Variants in PTPRQ observed in about 807,000 individuals in gnomAD.
The protein encoded by PTPRQ is phosphatidylinositol phosphatase PTPRQ.
PTPRQ carries 199 observed loss-of-function variants against 246.0 expected under a neutral mutation model. The ratio of observed to expected loss-of-function variants is 0.81; its 90% CI spans 0.72 to 0.91. The LOEUF is 0.91. PTPRQ is among the 40% of genes least tolerant of loss of function. PTPRQ has a pLI of 0.00. For synonymous variants in PTPRQ, 869 were observed against 853.2 expected, an observed-to-expected ratio of 1.02 and a Z score of -0.32; for missense variants, 2,624 against 2,528.4, an observed-to-expected ratio of 1.04 and a Z score of -0.81.
At chr12:80,598,719 T>C (rs1898047972) in intron 26 of PTPRQ, among the ~76,000 whole-genome samples, 1 of 151,954 alleles carries the variant, frequency 6.6e-6, no homozygotes, top group African/African-American at 2.4e-5. Flanking sequence ...TGGTAGGCCC[T>C]TTTAATAAAC....
chr12:80,448,038 ATTTG>A (rs1184872984), intron 3 of PTPRQ, among the ~76,000 whole-genome samples: 1 of 152,002 alleles, frequency 6.6e-6, no homozygotes, highest in Non-Finnish European at 1.5e-5. Flanking sequence ...ATGTTTTTCC[ATTTG>A]TTTGTGTCAT....
At chr12:80,612,731 C>T (rs920963332) in intron 28 of PTPRQ, among the ~76,000 whole-genome samples, 2 of 150,390 alleles carry the variant, frequency 1.3e-5, no homozygotes, top group African/African-American at 4.9e-5. Context: ...ACATCTGTCA[C>T]CAAGATTGAT....
Position 80,613,749 on chromosome 12 carries a change from T to C in PTPRQ, c.5076T>C (p.Ile1692=), listed in dbSNP as rs745546272. The C allele has an allele frequency of 6.5e-7, 1 of 1,545,578 alleles. No homozygotes were observed. The highest frequency in any genetic ancestry group is 1.4e-5 in the African/African-American group (1 of 72,438). ...YREDDPTAVQ[I]HNLSIIQKTN... The stretch of plus-strand genomic sequence containing the variant: ...AAGATGATCCTACTGCTGTCCAGAT[T>C]CACAACCTCAGTATTATACAGAAAA... The change falls in exon 29 of 45, where the codon ATT becomes ATC. Residue 1692 remains isoleucine (I), a synonymous_variant. Transcript: ENST00000644991.
intron 25 of PTPRQ, among the ~76,000 whole-genome samples, chr12:80,550,166 G>A (rs764098008): frequency 3.9e-5 from 6 of 151,928 alleles, no homozygotes; most frequent in African/African-American, 2.4e-5. Context: ...CTTTATACCA[G>A]CCTTTATCTT....
At chr12:80,653,301 A>T (rs1017951810) in intron 38 of PTPRQ, among the ~76,000 whole-genome samples, 5 of 152,230 alleles carry the variant, frequency 3.3e-5, no homozygotes, top group Non-Finnish European at 5.9e-5. Flanking sequence ...TTTACATATG[A>T]GGCAGAATGA....
At chr12:80,573,272 G>A (rs1592671381) in intron 25 of PTPRQ, among the ~76,000 whole-genome samples, 1 of 152,256 alleles carries the variant, frequency 6.6e-6, no homozygotes, top group South Asian at 2.1e-4. Flanking sequence ...GGCGGATCAC[G>A]AGGTCAGTAG....
intron 26 of PTPRQ, 132 bp downstream of exon 26, chr12:80,588,584 A>T (rs751986651): frequency 1.0e-6 from 1 of 1,004,670 alleles, no homozygotes; most frequent in Non-Finnish European, 1.3e-6. Context: ...ACTACCATAT[A>T]TAACGACATA....
chr12:80,616,098 T>A, intron 29 of PTPRQ, 102 bp from the exon 30 acceptor site: 1 of 621,550 alleles, frequency 1.6e-6, no homozygotes, highest in Non-Finnish European at 2.2e-6. Flanking sequence ...TATATATAAC[T>A]ATATATATAC....
chr12:80,550,930 G>C (rs146927267), intron 25 of PTPRQ, among the ~76,000 whole-genome samples: 2 of 151,876 alleles, frequency 1.3e-5, no homozygotes, highest in Non-Finnish European at 2.9e-5. Context: ...TATATTGATA[G>C]GCCCTCCTTC....
chr12:80,456,110 T>C (rs535111384), intron 3 of PTPRQ, among the ~76,000 whole-genome samples: 1 of 152,214 alleles, frequency 6.6e-6, no homozygotes, highest in South Asian at 2.1e-4. Flanking sequence ...ACCTTGAAAA[T>C]AATTAAATAG....
chr12:80,483,275 A>G (rs1894139713), intron 8 of PTPRQ, among the ~76,000 whole-genome samples: 1 of 141,958 alleles, frequency 7.0e-6, no homozygotes, highest in Non-Finnish European at 1.5e-5. Context: ...CTATCGCAAG[A>G]ACAAAAAACC....
intron 24 of PTPRQ, among the ~76,000 whole-genome samples, chr12:80,547,672 C>T (rs1360169826): frequency 6.6e-6 from 1 of 152,100 alleles, no homozygotes; most frequent in Non-Finnish European, 1.5e-5. Flanking sequence ...ATAATCTTGG[C>T]AAAGGCTCAT....
In PTPRQ at chr12:80,454,536, CT is replaced by C. The variant is rs1445916781; in HGVS notation, c.391-3035del. 7.1e-6 allele frequency: 5 copies of C among 702,330 alleles called. No homozygotes were observed. In the East Asian group the frequency reaches 1.3e-4, roughly 19 times the overall value. The allele number at this position is 702,330 out of a possible 1,614,324, so 43.5% of individuals were successfully genotyped here. ...AGGATTGGTGAGAGTAGACATCCTACTTTTGTTGCATTTCTTAGGGATAATC... is the reference window on the plus strand; with the variant it reads ...AGGATTGGTGAGAGTAGACATCCTACTTTGTTGCATTTCTTAGGGATAATC... On this transcript the variant is annotated intron_variant, in intron 3 of 44. Coordinates refer to ENST00000644991, the MANE Select transcript of PTPRQ (RefSeq NM_001145026.2).
chr12:80,446,774 G>C (rs1250962531), intron 3 of PTPRQ, among the ~76,000 whole-genome samples: 1 of 151,930 alleles, frequency 6.6e-6, no homozygotes, highest in Non-Finnish European at 1.5e-5. Flanking sequence ...TTTTATGCCT[G>C]CATAGTATTC....
At chr12:80,548,793 T>C (rs1353686879) in intron 24 of PTPRQ, among the ~76,000 whole-genome samples, 1 of 152,124 alleles carries the variant, frequency 6.6e-6, no homozygotes, top group Non-Finnish European at 1.5e-5. Context: ...TAATGTGCAG[T>C]CACTTTGGTG....
At chr12:80,603,685 G>T (rs1898215898) in intron 26 of PTPRQ, among the ~76,000 whole-genome samples, 1 of 151,436 alleles carries the variant, frequency 6.6e-6, no homozygotes, top group African/African-American at 2.4e-5. Context: ...GGGTCCTGTT[G>T]TTTATGTCTT....
chr12:80,633,333 A>G (rs1053897085), intron 34 of PTPRQ, among the ~76,000 whole-genome samples: 1 of 152,214 alleles, frequency 6.6e-6, no homozygotes, highest in Admixed American at 6.5e-5. Flanking sequence ...GCTTCCTTAT[A>G]TGGTAGACCC....
Position 80,495,345 on chromosome 12 carries a change from C to A in PTPRQ, c.1856C>A (p.Thr619Asn). 6.6e-7 allele frequency: 1 copy of A among 1,520,298 alleles called. No individual in the cohort carries two copies. The highest frequency in any genetic ancestry group is 1.3e-5 in the South Asian group (1 of 77,480). 94.2% of individuals were successfully genotyped at this position (1,520,298 alleles called of 1,614,324 possible). ...ACAAACAGAGCATTCCAGATAACTA[C>A]CATAGATAACAGCTTTCTCATAACA... Reference protein sequence around the residue: ...LDTNRAFQITTIDNSFLITGL... With the variant: ...LDTNRAFQITNIDNSFLITGL... The change falls in exon 12 of 45, where the codon ACC becomes AAC. Residue 619 changes from threonine (T) to asparagine (N), a missense_variant. Coordinates refer to ENST00000644991, the MANE Select transcript of PTPRQ (RefSeq NM_001145026.2).
chr12:80,517,476 C>T (rs1013585976), intron 17 of PTPRQ, among the ~76,000 whole-genome samples: 10 of 152,070 alleles, frequency 6.6e-5, no homozygotes, highest in African/African-American at 2.4e-4. Flanking sequence ...GTATCCATCC[C>T]CTCAAGCATT....
Sources: allele counts gnomAD v4.1 joint callset (sites outside exome capture counted in the v4.1 genomes callset), GRCh38; gene constraint gnomAD v4.1.1; transcripts MANE v1.5; gene names NCBI Gene and HGNC (gene_info 2026-07-23, HGNC 2026-07-21).